NALCN: variants seen among roughly 807,000 people sequenced by gnomAD.
NALCN encodes the protein sodium leak channel, non-selective, also known as sodium leak channel NALCN.
A neutral mutation model predicts 225.3 loss-of-function variants in NALCN; 111 were observed. That is an observed-to-expected ratio of 0.49 (90% confidence interval 0.42 to 0.58). The LOEUF is 0.58. NALCN is among the 20% of genes least tolerant of loss of function. The probability of loss-of-function intolerance (pLI) is 0.00; values close to 1 mark genes in which losing one functional copy is unlikely to be tolerated. For missense variants in NALCN, 1,378 were observed against 2,202.4 expected, an observed-to-expected ratio of 0.63 and a Z score of 7.49; for synonymous variants, 764 against 769.0, an observed-to-expected ratio of 0.99 and a Z score of 0.11.
intron 13 of NALCN, among the ~76,000 whole-genome samples, chr13:101,218,743 A>T (rs899569782): frequency 1.3e-5 from 2 of 152,102 alleles, no homozygotes; most frequent in Non-Finnish European, 2.9e-5. Flanking sequence ...CTCCAGCCAT[A>T]TAAGACTTGC....
At chr13:101,203,002 C>T (rs1046902134) in intron 13 of NALCN, among the ~76,000 whole-genome samples, 3 of 152,218 alleles carry the variant, frequency 2.0e-5, no homozygotes, top group Admixed American at 2.0e-4. Flanking sequence ...TTGGGAAAAA[C>T]ATTCAGCCGT....
chr13:101,081,375 G>A, intron 34 of NALCN, 152 bp downstream of exon 34: 3 of 1,071,312 alleles, frequency 2.8e-6, no homozygotes, highest in Non-Finnish European at 4.0e-6. Context: ...GCATGTCTGA[G>A]AGCCCATCAC....
chr13:101,063,242 T>C lies in NALCN; in HGVS notation c.4605-1124A>G, dbSNP rs74692525. ...ACAGCCTGGAGGCTCTTGAGAGCAC[T>C]GGTACATTGGGCTTCTCTTTGCTAA... On this transcript the variant is annotated intron_variant, in intron 40 of 43. Transcript: ENST00000251127. 7.4e-4 allele frequency among the ~76,000 whole-genome samples: 113 copies of C among 152,368 alleles called. 1 individual carries two copies. In the East Asian group the frequency reaches 0.021, roughly 28 times the overall value.
chr13:101,216,261 G>A (rs1402773174), intron 13 of NALCN, among the ~76,000 whole-genome samples: 2 of 152,020 alleles, frequency 1.3e-5, no homozygotes, highest in African/African-American at 4.8e-5. Context: ...CAATTAGCAG[G>A]AGAAATAGTA....
intron 15 of NALCN, among the ~76,000 whole-genome samples, chr13:101,175,924 T>C (rs944458286): frequency 1.3e-5 from 2 of 152,208 alleles, no homozygotes; most frequent in African/African-American, 4.8e-5. Flanking sequence ...GGCAGGTTGA[T>C]TGTAGTATTT....
intron 13 of NALCN, among the ~76,000 whole-genome samples, chr13:101,219,416 G>A (rs2040855741): frequency 6.6e-6 from 1 of 152,158 alleles, no homozygotes; most frequent in African/African-American, 2.4e-5. Context: ...GATGACAGAT[G>A]TTTGTGTTGG....
chr13:101,078,774 T>C (rs1363002900), intron 34 of NALCN, among the ~76,000 whole-genome samples: 1 of 152,150 alleles, frequency 6.6e-6, no homozygotes, highest in Non-Finnish European at 1.5e-5. Flanking sequence ...GATTGTATTT[T>C]GAATTGTGAA....
intron 6 of NALCN, among the ~76,000 whole-genome samples, chr13:101,361,808 T>C (rs1411770948): frequency 6.6e-6 from 1 of 152,172 alleles, no homozygotes; most frequent in African/African-American, 2.4e-5. Context: ...CATTATCTTC[T>C]TTTTGGGAAG....
intron 7 of NALCN, among the ~76,000 whole-genome samples, chr13:101,300,404 T>TTCCC (rs57434901): frequency 0.012 from 1,595 of 137,532 alleles, 15 homozygotes; most frequent in East Asian, 0.018. Context: ...CCTTCCCTCC[T>TTCCC]TCCTTCCTTT....
chr13:101,162,267 C>G (rs1198894127), intron 15 of NALCN, among the ~76,000 whole-genome samples: 3 of 152,214 alleles, frequency 2.0e-5, no homozygotes, highest in African/African-American at 7.2e-5. Context: ...CCCTATTAGA[C>G]CAGAAGGCTC....
intron 11 of NALCN, among the ~76,000 whole-genome samples, chr13:101,253,930 T>G (rs1252919443): frequency 2.0e-5 from 3 of 152,174 alleles, no homozygotes; most frequent in Non-Finnish European, 2.9e-5. Context: ...AAATAGAATA[T>G]ATTATGAAAA....
Position 101,400,544 on chromosome 13 carries a change from A to AGTGT in NALCN, c.-39-1383_-39-1380dup, listed in dbSNP as rs376844190. ...CACTGGAGTACAAGAACATGTTTGC[A>AGTGT]GTGTGTGTGTGTGTGTGTGTGTGTG... On this transcript the variant is annotated intron_variant, in intron 1 of 43. Transcript: ENST00000251127. 5.6e-3 allele frequency among the ~76,000 whole-genome samples: 761 copies of AGTGT among 135,228 alleles called. 2 individuals carry two copies. The highest frequency in any genetic ancestry group is 0.013 in the African/African-American group (492 of 38,894). 88.7% of individuals were successfully genotyped at this position (135,228 alleles called of 152,430 possible).
rs542593994 is a variant in NALCN, at chr13:101,054,702, C to T, written c.*593G>A. On this transcript the variant is annotated 3_prime_UTR_variant, in exon 44 of 44. Transcript: ENST00000251127. ...AACTGAGGACAGAAATCAACTTGTT[C>T]TGGTCACCAAATGTCTTGTGTATAT... 3 of 152,284 alleles carry T rather than the reference C, an allele frequency of 2.0e-5. No homozygotes were observed. Among genetic ancestry groups the T allele is most frequent in the Non-Finnish European group, 4.4e-5 (3 of 68,020 alleles). 9.4% of individuals were successfully genotyped at this position (152,284 alleles called of 1,614,324 possible).
At chr13:101,098,706 T>C (rs1000469980) in intron 27 of NALCN, among the ~76,000 whole-genome samples, 1 of 152,210 alleles carries the variant, frequency 6.6e-6, no homozygotes, top group Non-Finnish European at 1.5e-5. Flanking sequence ...ATTTATCTCT[T>C]CTTTTAGTAA....
At chr13:101,199,488 T>C (rs1026721047) in intron 13 of NALCN, among the ~76,000 whole-genome samples, 8 of 151,742 alleles carry the variant, frequency 5.3e-5, no homozygotes, top group African/African-American at 1.5e-4. Context: ...GATGAGTTCA[T>C]GTCCTTTGTA....
rs185755031 is a variant in NALCN, at chr13:101,205,747, C to T, written c.1627-13693G>A. On this transcript the variant is annotated intron_variant, in intron 13 of 43. Coordinates refer to ENST00000251127, the MANE Select transcript of NALCN (RefSeq NM_052867.4). ...ATATTACATTTTTATAAGTTAAATG[C>T]ATTTCATTGTCAATCAAATATGTGC... 3.3e-4 allele frequency among the ~76,000 whole-genome samples: 50 copies of T among 152,160 alleles called. No homozygotes were observed. In the East Asian group the frequency reaches 8.7e-3, roughly 26 times the overall value.
chr13:101,392,567 A>G (rs2047177034), intron 3 of NALCN, among the ~76,000 whole-genome samples: 2 of 152,302 alleles, frequency 1.3e-5, no homozygotes, highest in African/African-American at 4.8e-5. Context: ...GAAACACTAG[A>G]GATGTTCTAG....
intron 7 of NALCN, among the ~76,000 whole-genome samples, chr13:101,334,487 A>AGAGAGGCATTC (rs1397517087): frequency 1.1e-4 from 17 of 151,752 alleles, no homozygotes; most frequent in Admixed American, 3.9e-4. Flanking sequence ...AAGAGAATGG[A>AGAGAGGCATTC]CTGCCAGTGT....
rs572029025 is a variant in NALCN, at chr13:101,053,823, A to G, written c.*1472T>C. On this transcript the variant is annotated 3_prime_UTR_variant, in exon 44 of 44. Coordinates refer to ENST00000251127, the MANE Select transcript of NALCN (RefSeq NM_052867.4). ...ATTTTATCTTGTATGTACAAAAAGT[A>G]AACTCCAAGTGAACATCAAATCAAA... 2 of 152,322 alleles carry G rather than the reference A, an allele frequency of 1.3e-5. No homozygotes were observed. The highest frequency in any genetic ancestry group is 4.1e-4 in the South Asian group (2 of 4,828). The allele number at this position is 152,322 out of a possible 1,614,324, so 9.4% of individuals were successfully genotyped here.
Sources: gnomAD v4.1 joint callset for allele counts (sites outside exome capture counted in the v4.1 genomes callset) on GRCh38, gnomAD v4.1.1 for gene constraint, MANE v1.5 for transcripts, NCBI Gene and HGNC (gene_info 2026-07-23, HGNC 2026-07-21) for gene names.